DIP2C: variants seen among roughly 807,000 people sequenced by gnomAD.
DIP2C encodes disco-interacting protein 2 homolog C.
In DIP2C, 33 loss-of-function variants were observed where a neutral mutation model predicts 192.4. The ratio of observed to expected loss-of-function variants is 0.17; its 90% CI spans 0.13 to 0.23. DIP2C has a LOEUF of 0.23. Ranked by LOEUF, DIP2C falls within the 10% of genes least tolerant of loss-of-function variation. DIP2C has a pLI of 1.00. For missense variants in DIP2C, 1,537 were observed against 2,110.1 expected (o/e 0.73, Z 5.32); for synonymous variants, 979 against 864.1 (o/e 1.13, Z -2.33).
rs1366482076 is a variant in DIP2C, at chr10:369,483, C to T, written c.2131+11G>A. The T allele has an allele frequency of 3.3e-6, 5 of 1,529,448 alleles. No homozygotes were observed. Among genetic ancestry groups the T allele is most frequent in the Non-Finnish European group, 4.4e-6 (5 of 1,136,574 alleles). The allele number at this position is 1,529,448 out of a possible 1,614,324, so 94.7% of individuals were successfully genotyped here. A position where few individuals can be genotyped will look rare whatever the true frequency, so the allele number is the denominator to read the frequency against. ...ACTGGTTAATCTGTGCAGCTCGCGA[C>T]CCACACTCACCTCCAGGCATCACGA... On this transcript the variant is annotated intron_variant, in intron 18 of 36. Coordinates refer to ENST00000280886, the MANE Select transcript of DIP2C (RefSeq NM_014974.3).
chr10:330,812 ATT>A (rs56343363), intron 29 of DIP2C, among the ~76,000 whole-genome samples: 3,310 of 133,330 alleles, frequency 0.025, 123 homozygotes, highest in African/African-American at 0.088. Context: ...AACCTACACA[ATT>A]TTTTTTTTTT....
At chr10:563,138 C>T (rs12242090) in intron 1 of DIP2C, among the ~76,000 whole-genome samples, 4,583 of 152,258 alleles carry the variant, frequency 0.03, 222 homozygotes, top group African/African-American at 0.1. Context: ...TATCATAAAT[C>T]AGACACCATC....
chr10:453,983 C>CTG (rs1969072029), intron 3 of DIP2C, among the ~76,000 whole-genome samples: 1 of 152,256 alleles, frequency 6.6e-6, no homozygotes, highest in Admixed American at 6.5e-5. Flanking sequence ...TCACATGCCT[C>CTG]TGTCACACTT....
At chr10:456,701 T>A (rs138206804) in intron 3 of DIP2C, among the ~76,000 whole-genome samples, 1 of 152,224 alleles carries the variant, frequency 6.6e-6, no homozygotes, top group African/African-American at 2.4e-5. Context: ...TTGTCTCCAC[T>A]ACACAGGGCC....
chr10:405,745 A>G (rs1264166079), intron 9 of DIP2C, among the ~76,000 whole-genome samples: 3 of 152,198 alleles, frequency 2.0e-5, no homozygotes, highest in African/African-American at 7.2e-5. Context: ...AGCAGGCATC[A>G]GCCGATCAGG....
chr10:555,050 TAAA>T (rs566102391), intron 1 of DIP2C, among the ~76,000 whole-genome samples: 1 of 152,068 alleles, frequency 6.6e-6, no homozygotes, highest in Non-Finnish European at 1.5e-5. Context: ...TTTTTTCATT[TAAA>T]AAAAATCATG....
intron 3 of DIP2C, among the ~76,000 whole-genome samples, chr10:468,134 G>A (rs1374149834): frequency 2.0e-5 from 3 of 152,050 alleles, no homozygotes; most frequent in Admixed American, 2.0e-4. Context: ...AGAAAATTGT[G>A]AAATCTGTCT....
chr10:588,273 G>A lies in DIP2C; in HGVS notation c.85+101221C>T, dbSNP rs562819965. Among the ~76,000 whole-genome samples, 365 of 150,498 alleles carry A rather than the reference G, an allele frequency of 2.4e-3. 1 individual carries two copies. The highest frequency in any genetic ancestry group is 7.8e-3 in the South Asian group (37 of 4,716). ...GCCACTGCTTCAGCCCTGACCCTCC[G>A]GAAACCCCACATCCACACCAGCCAC... On this transcript the variant is annotated intron_variant, in intron 1 of 36. Transcript: ENST00000280886.
intron 1 of DIP2C, among the ~76,000 whole-genome samples, chr10:587,503 C>G (rs527373599): frequency 1.3e-5 from 2 of 152,302 alleles, no homozygotes; most frequent in South Asian, 4.1e-4. Flanking sequence ...TACCCCAAAC[C>G]TACAGTCCTA....
intron 1 of DIP2C, among the ~76,000 whole-genome samples, chr10:583,505 A>G (rs55826750): frequency 2.2e-4 from 34 of 152,372 alleles, no homozygotes; most frequent in Admixed American, 1.3e-3. Context: ...CAGTATCGAT[A>G]TAACTTTGTA....
chr10:457,272 A>T (rs1969380744), intron 3 of DIP2C, among the ~76,000 whole-genome samples: 1 of 151,926 alleles, frequency 6.6e-6, no homozygotes. Flanking sequence ...TGTGGACTTA[A>T]TTTTTTCTAA....
chr10:586,735 A>T (rs1179114760), intron 1 of DIP2C, among the ~76,000 whole-genome samples: 1 of 152,242 alleles, frequency 6.6e-6, no homozygotes, highest in Non-Finnish European at 1.5e-5. Context: ...TTTAGGTGAC[A>T]TCTGCAAGGC....
chr10:310,075 G>A lies in DIP2C; in HGVS notation c.3942C>T (p.Asp1314=), dbSNP rs1956505223. Reference sequence around the variant, plus strand: ...TCATGTCCACGTAGACAGTGGTTGGGTCAGGTCCTGAGGTTCCCTGCAAGC... The same window carrying A: ...TCATGTCCACGTAGACAGTGGTTGGATCAGGTCCTGAGGTTCCCTGCAAGC... The part of the protein sequence containing the change: ...AICLQGTSGP[D]PTTVYVDMRA... Residue 1314 remains aspartate (D), a synonymous_variant, in exon 32 of 37, where the codon GAC becomes GAT. Transcript: ENST00000280886. 1 of 1,614,090 alleles carries A rather than the reference G, an allele frequency of 6.2e-7. No individual in the cohort carries two copies. The highest frequency in any genetic ancestry group is 1.1e-5 in the South Asian group (1 of 91,084).
rs1426400834 is a variant in DIP2C at position 401,568 on chromosome 10, C to T, written c.1150-2349G>A. 4.4e-4 allele frequency among the ~76,000 whole-genome samples: 2 copies of T among 4,596 alleles called. 1 individual carries two copies. Among genetic ancestry groups the T allele is most frequent in the Admixed American group, 7.4e-3 (2 of 270 alleles). The allele number at this position is 4,596 out of a possible 152,430, so 3.0% of individuals were successfully genotyped here. A position where few individuals can be genotyped will look rare whatever the true frequency, so the allele number is the denominator to read the frequency against. On this transcript the variant is annotated intron_variant, in intron 9 of 36. Transcript: ENST00000280886. ...GACAAGTTTGGTACATTTTCATCAG[C>T]ACATGAATCCTATTTTACATGTGTG...
chr10:396,634 A>C (rs962432766), intron 10 of DIP2C, among the ~76,000 whole-genome samples: 3 of 152,134 alleles, frequency 2.0e-5, no homozygotes, highest in African/African-American at 7.2e-5. Context: ...GAAGCCTTGT[A>C]AACTCCTCAC....
intron 1 of DIP2C, among the ~76,000 whole-genome samples, chr10:543,278 G>A (rs184677401): frequency 5.4e-4 from 83 of 152,318 alleles, no homozygotes; most frequent in East Asian, 3.7e-3. Context: ...GCGCATTTCC[G>A]GGCAAGTGTC....
intron 9 of DIP2C, among the ~76,000 whole-genome samples, chr10:402,289 A>C (rs1485002417): frequency 2.9e-4 from 4 of 13,854 alleles, no homozygotes; most frequent in African/African-American, 3.3e-4. Context: ...GTATGTGTTC[A>C]TCAGCACATG....
At chr10:514,576 C>G (rs1278334630) in intron 1 of DIP2C, among the ~76,000 whole-genome samples, 1 of 152,196 alleles carries the variant, frequency 6.6e-6, no homozygotes. Context: ...AGACCTCACT[C>G]CAAGGACCGC....
At chr10:650,423 C>T (rs972912098) in intron 1 of DIP2C, 15 of 713,114 alleles carry the variant, frequency 2.1e-5, no homozygotes, top group African/African-American at 1.2e-4. Context: ...GAACGCAGGC[C>T]GACAACATCT....
Sources: gnomAD v4.1 joint callset for allele counts (sites outside exome capture counted in the v4.1 genomes callset) on GRCh38, gnomAD v4.1.1 for gene constraint, MANE v1.5 for transcripts, NCBI Gene and HGNC (gene_info 2026-07-23, HGNC 2026-07-21) for gene names.